Variants in LMX1A observed in about 807,000 individuals in gnomAD.
The protein encoded by LMX1A is LIM homeobox transcription factor 1-alpha.
In LMX1A, 15 loss-of-function variants were observed where a neutral mutation model predicts 49.1. That is an observed-to-expected ratio of 0.31 (90% CI 0.20 to 0.47). The LOEUF is 0.47. LMX1A is among the 20% of genes least tolerant of loss of function. The pLI, the probability that LMX1A is intolerant of heterozygous loss-of-function variation, is 1.00. For missense variants in LMX1A, 372 were observed against 475.8 expected (o/e 0.78, Z 2.03); for synonymous variants, 167 against 185.7 (o/e 0.90, Z 0.82).
chr1:165,212,516 G>T (rs200859725), intron 5 of LMX1A, among the ~76,000 whole-genome samples: 24 of 149,510 alleles, frequency 1.6e-4, no homozygotes, highest in East Asian at 5.9e-4. Flanking sequence ...CTTTTTGTTT[G>T]TTTTTTTTTT....
At position 165,350,106 on chromosome 1, in the gene LMX1A, C is replaced by T. The variant is rs907518036; in HGVS notation, c.263+2970G>A. Among the ~76,000 whole-genome samples the T allele has an allele frequency of 2.7e-5, 4 of 148,774 alleles. 1 individual carries two copies. In the East Asian group the frequency reaches 7.9e-4, roughly 29 times the overall value. On this transcript the variant is annotated intron_variant, in intron 3 of 8. Coordinates refer to ENST00000342310, the MANE Select transcript of LMX1A (RefSeq NM_177398.4). ...TAATTTACCATCAACATTGTCCTAC[C>T]ACTTAACTTTCACCTCATTTTCTTC...
intron 4 of LMX1A, among the ~76,000 whole-genome samples, chr1:165,224,524 A>G (rs980656022): frequency 1.3e-5 from 2 of 152,210 alleles, no homozygotes; most frequent in Admixed American, 1.3e-4. Context: ...GCCGGCTTTC[A>G]TCAGCATTAT....
intron 4 of LMX1A, among the ~76,000 whole-genome samples, chr1:165,224,635 G>A (rs1467326571): frequency 6.6e-6 from 1 of 152,152 alleles, no homozygotes; most frequent in East Asian, 1.9e-4. Context: ...CATACTGAGT[G>A]CTCAGGAGAT....
At chr1:165,254,729 C>G (rs1040890741) in intron 3 of LMX1A, among the ~76,000 whole-genome samples, 2 of 152,164 alleles carry the variant, frequency 1.3e-5, no homozygotes, top group Admixed American at 6.5e-5. Flanking sequence ...GATGGCATCC[C>G]CCATGGTTAC....
chr1:165,227,292 C>A (rs1652068645), intron 4 of LMX1A, among the ~76,000 whole-genome samples: 1 of 152,136 alleles, frequency 6.6e-6, no homozygotes, highest in South Asian at 2.1e-4. Context: ...AATCCCAGCA[C>A]TTTTGGAGGC....
intron 3 of LMX1A, among the ~76,000 whole-genome samples, chr1:165,283,698 C>G (rs1162874839): frequency 6.6e-6 from 1 of 152,222 alleles, no homozygotes; most frequent in African/African-American, 2.4e-5. Context: ...AATGTAATTT[C>G]ATGAGTAGAG....
chr1:165,224,202 T>A (rs1220917815), intron 4 of LMX1A, among the ~76,000 whole-genome samples: 2 of 152,146 alleles, frequency 1.3e-5, no homozygotes, highest in South Asian at 2.1e-4. Context: ...TGGATCCCCA[T>A]TCACCTTCCT....
Position 165,333,632 on chromosome 1 carries a change from A to C in LMX1A, c.263+19444T>G, listed in dbSNP as rs528519821. Among the ~76,000 whole-genome samples, 3 of 152,316 alleles carry C rather than the reference A, an allele frequency of 2.0e-5. No homozygotes were observed. The South Asian group carries it at 6.2e-4, about 32-fold the overall frequency. The stretch of plus-strand genomic sequence containing the variant: ...TGTCTCTTCTACACAGTTTTTCTCT[A>C]AATGATAAAAATCATTTGTTCTCTA... On this transcript the variant is annotated intron_variant, in intron 3 of 8. Transcript: ENST00000342310.
intron 4 of LMX1A, among the ~76,000 whole-genome samples, chr1:165,236,260 C>A (rs58580517): frequency 0.11 from 16,873 of 152,054 alleles, 1,193 homozygotes; most frequent in South Asian, 0.2. Context: ...TGGGTTAGGG[C>A]CAAGCCCGCG....
At chr1:165,218,219 A>G (rs748303828) in intron 4 of LMX1A, among the ~76,000 whole-genome samples, 1 of 152,088 alleles carries the variant, frequency 6.6e-6, no homozygotes, top group Admixed American at 6.5e-5. Flanking sequence ...TCCAGCTCTG[A>G]CTCTGGAGGC....
chr1:165,258,603 G>A (rs901986960), intron 3 of LMX1A, among the ~76,000 whole-genome samples: 1 of 152,212 alleles, frequency 6.6e-6, no homozygotes, highest in Non-Finnish European at 1.5e-5. Flanking sequence ...TGGGATGAAC[G>A]AGTGGGAGTG....
chr1:165,235,635 G>C (rs1373871943), intron 4 of LMX1A, among the ~76,000 whole-genome samples: 1 of 152,054 alleles, frequency 6.6e-6, no homozygotes, highest in African/African-American at 2.4e-5. Flanking sequence ...GGCGCGGGGC[G>C]GCGCGGACCC....
chr1:165,276,821 C>T (rs1653984336), intron 3 of LMX1A, among the ~76,000 whole-genome samples: 1 of 152,124 alleles, frequency 6.6e-6, no homozygotes, highest in African/African-American at 2.4e-5. Flanking sequence ...TTATGAGGTG[C>T]ATAGGAATTC....
chr1:165,346,018 T>C (rs1656234017), intron 3 of LMX1A, among the ~76,000 whole-genome samples: 1 of 152,112 alleles, frequency 6.6e-6, no homozygotes, highest in African/African-American at 2.4e-5. Flanking sequence ...CTACAGGGTA[T>C]AGGGGAGGGA....
chr1:165,228,354 T>C (rs1021784402), intron 4 of LMX1A, among the ~76,000 whole-genome samples: 4 of 152,224 alleles, frequency 2.6e-5, no homozygotes, highest in African/African-American at 9.6e-5. Flanking sequence ...TAGCAGGTAG[T>C]AGCAGCTTTC....
At chr1:165,275,452 G>A (rs188152178) in intron 3 of LMX1A, among the ~76,000 whole-genome samples, 3 of 152,296 alleles carry the variant, frequency 2.0e-5, no homozygotes, top group East Asian at 1.9e-4. Context: ...AGGCTATCAC[G>A]CTAAATCCGA....
intron 4 of LMX1A, among the ~76,000 whole-genome samples, chr1:165,243,726 C>T (rs980746883): frequency 3.9e-5 from 6 of 152,180 alleles, no homozygotes; most frequent in African/African-American, 1.2e-4. Flanking sequence ...AGTTTACATA[C>T]GGAGACCGAT....
intron 3 of LMX1A, among the ~76,000 whole-genome samples, chr1:165,288,477 G>A (rs1039324673): frequency 7.2e-5 from 11 of 152,106 alleles, no homozygotes; most frequent in African/African-American, 2.4e-4. Context: ...CTCGGCAGCG[G>A]CTGCCACCGG....
intron 3 of LMX1A, among the ~76,000 whole-genome samples, chr1:165,316,995 A>G (rs889218470): frequency 6.6e-6 from 1 of 152,222 alleles, no homozygotes; most frequent in African/African-American, 2.4e-5. Flanking sequence ...CCCAAAAGAT[A>G]GGATTATTTA....
Sources: gnomAD v4.1 joint callset for allele counts (sites outside exome capture counted in the v4.1 genomes callset) on GRCh38, gnomAD v4.1.1 for gene constraint, MANE v1.5 for transcripts, NCBI Gene and HGNC (gene_info 2026-07-23, HGNC 2026-07-21) for gene names.